The following HS2ST1 variants were observed in gnomAD, a reference collection of about 807,000 sequenced individuals.
HS2ST1 encodes the protein heparan sulfate 2-O-sulfotransferase 1, also known as 2-O-sulfotransferase.
A neutral mutation model predicts 42.9 loss-of-function variants in HS2ST1; 18 were observed. The ratio of observed to expected loss-of-function variants is 0.42; its 90% CI spans 0.29 to 0.62. HS2ST1 has a LOEUF of 0.62. Among genes scored for constraint, HS2ST1 ranks in the 20% least tolerant of loss-of-function variants. HS2ST1 has a pLI of 0.21. For synonymous variants in HS2ST1, 146 were observed against 152.9 expected (o/e 0.95, Z 0.33); for missense variants, 334 against 433.8 (o/e 0.77, Z 2.04).
At position 87,106,847 on chromosome 1, in the gene HS2ST1, T is replaced by C. The variant is rs1231795604; in HGVS notation, c.*2151T>C. On this transcript the variant is annotated 3_prime_UTR_variant, in exon 7 of 7. Transcript: ENST00000370550. Reference sequence around the variant, plus strand: ...TGCAAGTTATTCTTGCACCACATGCTCAAATCTTCTTGAGGTGCATTAACT... The same window carrying C: ...TGCAAGTTATTCTTGCACCACATGCCCAAATCTTCTTGAGGTGCATTAACT... 6.6e-6 allele frequency: 1 copy of C among 152,056 alleles called. No homozygotes were observed. The highest frequency in any genetic ancestry group is 6.6e-5 in the Admixed American group (1 of 15,254). The allele number at this position is 152,056 out of a possible 1,614,324, so 9.4% of individuals were successfully genotyped here.
intron 1 of HS2ST1, among the ~76,000 whole-genome samples, chr1:86,964,373 T>C (rs185541155): frequency 5.7e-4 from 87 of 152,318 alleles, no homozygotes; most frequent in African/African-American, 2.1e-3. Flanking sequence ...AACGAGACTC[T>C]GTCTGCAATC....
chr1:87,024,557 G>A (rs72723905), intron 1 of HS2ST1, among the ~76,000 whole-genome samples: 1 of 151,614 alleles, frequency 6.6e-6, no homozygotes, highest in Non-Finnish European at 1.5e-5. Flanking sequence ...AGGTTTGAGT[G>A]CTCTGCCACT....
At chr1:86,946,582 AC>A (rs1647345430) in intron 1 of HS2ST1, among the ~76,000 whole-genome samples, 1 of 152,222 alleles carries the variant, frequency 6.6e-6, no homozygotes, top group African/African-American at 2.4e-5. Flanking sequence ...GATTCTTTTT[AC>A]AAAATACATA....
chr1:86,985,383 T>TATATATATACACACACACAC (rs1413099470), intron 1 of HS2ST1, among the ~76,000 whole-genome samples: 4 of 44,706 alleles, frequency 8.9e-5, no homozygotes, highest in African/African-American at 2.0e-4. Flanking sequence ...TATATATATA[T>TATATATATACACACACACAC]ACACACACAC....
At chr1:86,983,474 A>G (rs1648658966) in intron 1 of HS2ST1, among the ~76,000 whole-genome samples, 1 of 152,126 alleles carries the variant, frequency 6.6e-6, no homozygotes, top group Non-Finnish European at 1.5e-5. Context: ...ACTCACTATC[A>G]CGAGAACAGC....
At chr1:86,981,325 A>G (rs1045291050) in intron 1 of HS2ST1, among the ~76,000 whole-genome samples, 4 of 152,160 alleles carry the variant, frequency 2.6e-5, no homozygotes, top group Admixed American at 2.6e-4. Context: ...CCCAAATCTC[A>G]TGTCCTTCTC....
rs1008745752 is a variant in HS2ST1 at position 87,072,782 on chromosome 1, C to A, written c.125-152C>A. The A allele has an allele frequency of 6.4e-6, 4 of 625,572 alleles. No individual in the cohort carries two copies. The African/African-American group carries it at 7.4e-5, about 12-fold the overall frequency. 38.8% of individuals were successfully genotyped at this position (625,572 alleles called of 1,614,324 possible). Reference sequence around the variant, plus strand: ...AACTAGATCCTCTTAGAAACCCAAGCAATTTACCCATGTTTTCCATATCCC... The same window carrying A: ...AACTAGATCCTCTTAGAAACCCAAGAAATTTACCCATGTTTTCCATATCCC... On this transcript the variant is annotated intron_variant, in intron 1 of 6. Transcript: ENST00000370550.
chr1:87,063,337 T>G (rs1200974959), intron 1 of HS2ST1, among the ~76,000 whole-genome samples: 2 of 152,194 alleles, frequency 1.3e-5, no homozygotes, highest in African/African-American at 4.8e-5. Flanking sequence ...TTCGTGTATT[T>G]CCATTTGGTT....
chr1:86,948,291 G>A (rs757181641), intron 1 of HS2ST1, among the ~76,000 whole-genome samples: 3 of 152,110 alleles, frequency 2.0e-5, no homozygotes, highest in African/African-American at 7.2e-5. Flanking sequence ...ACGTTTATTT[G>A]TATAGAGACT....
intron 5 of HS2ST1, among the ~76,000 whole-genome samples, chr1:87,099,360 G>A (rs1286781028): frequency 6.6e-6 from 1 of 152,222 alleles, no homozygotes; most frequent in East Asian, 1.9e-4. Context: ...CGCAGGAACA[G>A]GCATATCACA....
chr1:86,916,004 C>T lies in HS2ST1; in HGVS notation c.124+844C>T, dbSNP rs77299174. 7.2e-3 allele frequency among the ~76,000 whole-genome samples: 1,096 copies of T among 152,176 alleles called. 13 individuals are homozygous for T. Among genetic ancestry groups the T allele is most frequent in the African/African-American group, 0.025 (1,047 of 41,506 alleles). On this transcript the variant is annotated intron_variant, in intron 1 of 6. Coordinates refer to ENST00000370550, the MANE Select transcript of HS2ST1 (RefSeq NM_012262.4). ...GAAAGCTAACCATATGGTTAAATAC[C>T]TTAAAGGGTTAACAGGTGCTTTAAT... is the stretch of plus-strand genomic sequence containing the variant.
chr1:86,931,246 A>C lies in HS2ST1; in HGVS notation c.124+16086A>C, dbSNP rs189366446. 1.8e-4 allele frequency among the ~76,000 whole-genome samples: 28 copies of C among 152,226 alleles called. No individual in the cohort carries two copies. The East Asian group carries it at 3.3e-3, about 18-fold the overall frequency. ...TTCAGTTTAATTCTACCTTGTCCTG[A>C]AAAAGAGTTGAAGAGATACACAGAT... On this transcript the variant is annotated intron_variant, in intron 1 of 6. Transcript: ENST00000370550.
intron 1 of HS2ST1, chr1:87,045,027 C>T: frequency 1.5e-6 from 2 of 1,364,276 alleles, no homozygotes; most frequent in Non-Finnish European, 2.1e-6. Flanking sequence ...CCTCTTGCGG[C>T]TTCTCTCTTC....
At chr1:87,084,776 C>T (rs962635401) in intron 3 of HS2ST1, among the ~76,000 whole-genome samples, 11 of 149,668 alleles carry the variant, frequency 7.3e-5, no homozygotes, top group Non-Finnish European at 1.3e-4. Context: ...TCCTCTCTCA[C>T]CCCCCCTCTC....
At chr1:86,920,501 T>A (rs1157140219) in intron 1 of HS2ST1, among the ~76,000 whole-genome samples, 1 of 132,864 alleles carries the variant, frequency 7.5e-6, no homozygotes, top group African/African-American at 3.7e-5. Context: ...TGGTAATTGG[T>A]GCCTCACTTA....
chr1:87,047,209 A>G (rs1273654946), intron 1 of HS2ST1, among the ~76,000 whole-genome samples: 5 of 152,086 alleles, frequency 3.3e-5, no homozygotes, highest in Admixed American at 1.3e-4. Flanking sequence ...TCTAATGACA[A>G]ACGTCTTTCA....
intron 1 of HS2ST1, chr1:87,046,447 A>G: frequency 1.0e-6 from 1 of 953,706 alleles, no homozygotes; most frequent in Non-Finnish European, 1.7e-6. Context: ...CTAATAAAGA[A>G]GGTGACATTA....
chr1:87,028,293 C>G (rs1288586051), intron 1 of HS2ST1, among the ~76,000 whole-genome samples: 2 of 152,234 alleles, frequency 1.3e-5, no homozygotes, highest in East Asian at 1.9e-4. Context: ...AAAGGTGACT[C>G]AAGGCCAACT....
chr1:87,009,441 CTAA>C (rs1264732165), intron 1 of HS2ST1, among the ~76,000 whole-genome samples: 3 of 152,190 alleles, frequency 2.0e-5, no homozygotes, highest in Non-Finnish European at 4.4e-5. Context: ...TTAGCCAGTA[CTAA>C]CAAACACAGA....
Sources: allele counts gnomAD v4.1 joint callset (sites outside exome capture counted in the v4.1 genomes callset), GRCh38; gene constraint gnomAD v4.1.1; transcripts MANE v1.5; gene names NCBI Gene and HGNC (gene_info 2026-07-23, HGNC 2026-07-21).